Variants in INKA2 observed in about 807,000 individuals in gnomAD.
INKA2 encodes the protein PAK4-inhibitor INKA2.
INKA2 carries 3 observed loss-of-function variants against 9.8 expected under a neutral mutation model. That is an observed-to-expected ratio of 0.31 (90% CI 0.14 to 0.79). The LOEUF (loss-of-function observed/expected upper bound fraction) is 0.79, where lower values mean the gene tolerates loss of function less well. Ranked by LOEUF, INKA2 falls within the 30% of genes least tolerant of loss-of-function variation. The pLI is 0.62. For missense variants in INKA2, 392 were observed against 384.4 expected, an observed-to-expected ratio of 1.02 and a Z score of -0.17; for synonymous variants, 147 against 143.3, an observed-to-expected ratio of 1.03 and a Z score of -0.18.
At position 111,726,767 on chromosome 1, in the gene INKA2, C is replaced by G; in HGVS notation, c.*201G>C. On this transcript the variant is annotated 3_prime_UTR_variant, in exon 2 of 2. Transcript: ENST00000357260. ...TCTCCAGCTACTCTTACCTCCTCCACCAGCTAGCCCCCAAGACAGCCTCTC... is the reference window on the plus strand; with the variant it reads ...TCTCCAGCTACTCTTACCTCCTCCAGCAGCTAGCCCCCAAGACAGCCTCTC... The G allele has an allele frequency of 1.6e-6, 1 of 622,204 alleles. No individual in the cohort carries two copies. The highest frequency in any genetic ancestry group is 2.8e-6 in the Non-Finnish European group (1 of 351,736). 38.5% of individuals were successfully genotyped at this position (622,204 alleles called of 1,614,324 possible).
chr1:111,747,764 C>G (rs147661333), intron 1 of INKA2: 5 of 152,312 alleles, frequency 3.3e-5, no homozygotes, highest in Non-Finnish European at 7.3e-5. Flanking sequence ...TTGAAGGCAT[C>G]TGAAATAGAA....
chr1:111,742,560 G>C (rs939665431), upstream of INKA2, among the ~76,000 whole-genome samples: 5 of 152,182 alleles, frequency 3.3e-5, no homozygotes, highest in Admixed American at 1.3e-4. Context: ...CTGTAGCCTG[G>C]GTGACAAAGC....
intron 1 of INKA2, among the ~76,000 whole-genome samples, chr1:111,734,206 C>T (rs1389885755): frequency 6.6e-6 from 1 of 152,050 alleles, no homozygotes; most frequent in Non-Finnish European, 1.5e-5. Flanking sequence ...GCCCGCTTTC[C>T]CAACACAACC....
At chr1:111,743,369 T>C (rs1054411769), upstream of INKA2, among the ~76,000 whole-genome samples, 1 of 152,226 alleles carries the variant, frequency 6.6e-6, no homozygotes, top group Non-Finnish European at 1.5e-5. Flanking sequence ...GTACTTTACC[T>C]GACAGAGAGG....
intron 1 of INKA2, among the ~76,000 whole-genome samples, chr1:111,751,097 A>G (rs896948261): frequency 6.6e-6 from 1 of 152,104 alleles, no homozygotes. Context: ...ATCAGCCCCC[A>G]CTGCTTCACA....
chr1:111,738,948 C>T (rs1173696207), intron 1 of INKA2, among the ~76,000 whole-genome samples: 1 of 152,210 alleles, frequency 6.6e-6, no homozygotes, highest in East Asian at 1.9e-4. Flanking sequence ...CTGGCTTGCT[C>T]CCTCTGTCTC....
At chr1:111,743,506 C>T (rs1236062639), upstream of INKA2, among the ~76,000 whole-genome samples, 3 of 152,146 alleles carry the variant, frequency 2.0e-5, no homozygotes, top group African/African-American at 7.2e-5. Flanking sequence ...TATCAATGAG[C>T]TCAAATGAAG....
At chr1:111,740,833 G>C (rs1314671460), upstream of INKA2, among the ~76,000 whole-genome samples, 4 of 152,050 alleles carry the variant, frequency 2.6e-5, no homozygotes, top group African/African-American at 7.2e-5. Flanking sequence ...TTAGCTGGGC[G>C]TGGTGGCCTA....
At chr1:111,743,510 A>G (rs961167318), upstream of INKA2, among the ~76,000 whole-genome samples, 3 of 152,110 alleles carry the variant, frequency 2.0e-5, no homozygotes, top group African/African-American at 7.2e-5. Context: ...AATGAGCTCA[A>G]ATGAAGAGGC....
At position 111,722,664 on chromosome 1, in the gene INKA2, T is replaced by C. The variant is rs1264953105; in HGVS notation, c.*4304A>G. On this transcript the variant is annotated 3_prime_UTR_variant, in exon 2 of 2. Transcript: ENST00000357260. ...TTTGGGGAACAGTGTAAATTTGCCA[T>C]TTAGCAAATAACAGCCCATCTGGGT... is the stretch of plus-strand genomic sequence containing the variant. The C allele has an allele frequency of 6.3e-6, 1 of 159,446 alleles. No individual in the cohort carries two copies. Among genetic ancestry groups the C allele is most frequent in the Non-Finnish European group, 1.4e-5 (1 of 72,318 alleles). 9.9% of individuals were successfully genotyped at this position (159,446 alleles called of 1,614,324 possible). A position where few individuals can be genotyped will look rare whatever the true frequency, so the allele number is the denominator to read the frequency against.
chr1:111,755,768 G>C (rs1663529059), exon 1 of INKA2: 1 of 1,613,174 alleles, frequency 6.2e-7, no homozygotes, highest in African/African-American at 1.3e-5. Context: ...GTGTGTCTGG[G>C]CAGTCTCTCA....
intron 1 of INKA2, chr1:111,745,293 A>ATATATATATATTTTTT (rs1358304932): frequency 4.1e-5 from 2 of 49,272 alleles, no homozygotes; most frequent in Non-Finnish European, 3.7e-5. Context: ...ATATATATAT[A>ATATATATATATTTTTT]TTTTTTTTTT....
At chr1:111,738,326 C>T (rs931746471) in intron 1 of INKA2, among the ~76,000 whole-genome samples, 3 of 151,948 alleles carry the variant, frequency 2.0e-5, no homozygotes, top group African/African-American at 7.3e-5. Flanking sequence ...GTATATGAAG[C>T]CAGTGAGAAT....
chr1:111,731,894 G>C (rs937697240), intron 1 of INKA2, among the ~76,000 whole-genome samples: 2 of 152,218 alleles, frequency 1.3e-5, no homozygotes, highest in Non-Finnish European at 2.9e-5. Flanking sequence ...CAAGGAGAAG[G>C]TCCTGTTTTT....
intron 1 of INKA2, among the ~76,000 whole-genome samples, chr1:111,752,867 G>A (rs1663440756): frequency 6.6e-6 from 1 of 151,894 alleles, no homozygotes; most frequent in South Asian, 2.1e-4. Flanking sequence ...CTAACTTTTT[G>A]TATTTTTTTT....
upstream of INKA2, chr1:111,740,016 G>C (rs1663108062): frequency 6.6e-6 from 1 of 152,336 alleles, no homozygotes; most frequent in Non-Finnish European, 1.5e-5. Context: ...TACTGAGTAT[G>C]ACAGGCGAGG....
chr1:111,723,146 G>C lies in INKA2; in HGVS notation c.*3822C>G, dbSNP rs1228751198. 2.9e-6 allele frequency: 2 copies of C among 692,940 alleles called. No individual in the cohort carries two copies. The highest frequency in any genetic ancestry group is 5.3e-6 in the Non-Finnish European group (2 of 380,548). The allele number at this position is 692,940 out of a possible 1,614,324, so 42.9% of individuals were successfully genotyped here. On this transcript the variant is annotated 3_prime_UTR_variant, in exon 2 of 2. Transcript: ENST00000357260. ...AAGGCACCTGAGGTGGGTTCTGGCT[G>C]CTCTGGAGAAGGTGGGGACAAGGTG...
chr1:111,728,253 C>T (rs552093472), intron 1 of INKA2, among the ~76,000 whole-genome samples: 19 of 152,148 alleles, frequency 1.2e-4, no homozygotes, highest in Non-Finnish European at 2.4e-4. Flanking sequence ...CTGGGCCTCC[C>T]TGAAATGATG....
upstream of INKA2, among the ~76,000 whole-genome samples, chr1:111,743,545 C>G (rs1663191239): frequency 6.6e-6 from 1 of 152,196 alleles, no homozygotes; most frequent in Non-Finnish European, 1.5e-5. Flanking sequence ...CCCAAGGGAG[C>G]TCAGATCCTA....
Sources: gnomAD v4.1 joint callset for allele counts (sites outside exome capture counted in the v4.1 genomes callset) on GRCh38, gnomAD v4.1.1 for gene constraint, MANE v1.5 for transcripts, NCBI Gene and HGNC (gene_info 2026-07-23, HGNC 2026-07-21) for gene names.